ZSWIM9: variants seen among roughly 807,000 people sequenced by gnomAD.
ZSWIM9 encodes uncharacterized protein ZSWIM9.
Under a neutral mutation model 25.0 loss-of-function variants are expected in ZSWIM9, and 11 were observed. The ratio of observed to expected loss-of-function variants is 0.44; its 90% confidence interval spans 0.28 to 0.73. The LOEUF is 0.73. ZSWIM9 is among the 30% of genes least tolerant of loss of function. The pLI is 0.16. For synonymous variants in ZSWIM9, 562 were observed against 582.1 expected (o/e 0.97, Z 0.50); for missense variants, 1,070 against 1,296.5 (o/e 0.83, Z 2.68).
Position 48,182,665 on chromosome 19 carries a change from C to T in ZSWIM9, c.486C>T (p.Ala162=), listed in dbSNP as rs762879691. 3.5e-5 allele frequency: 54 copies of T among 1,535,688 alleles called. 1 individual carries two copies. The South Asian group carries it at 3.9e-4, about 11-fold the overall frequency. The change falls in exon 3 of 4, where the codon GCC becomes GCT. Residue 162 remains alanine, a synonymous_variant. Coordinates refer to ENST00000614654, the MANE Select transcript of ZSWIM9 (RefSeq NM_199341.4). This position sits in a 1 kb window ranked among gnomAD's most constrained non-coding sequence, Gnocchi z 4.6. The part of the protein sequence containing the change: ...NKISKQFVAP[A]DVRRLLSYCK... ...TCTCCAAGCAGTTCGTGGCCCCAGCCGACGTGCGCCGCCTGCTGTCCTACT... is the reference window on the plus strand; with the variant it reads ...TCTCCAAGCAGTTCGTGGCCCCAGCTGACGTGCGCCGCCTGCTGTCCTACT...
chr19:48,173,410 C>T (rs1406836523), intron 2 of ZSWIM9, among the ~76,000 whole-genome samples: 1 of 152,156 alleles, frequency 6.6e-6, no homozygotes, highest in African/African-American at 2.4e-5. Context: ...GAGATTCCCC[C>T]ACCTCAGCCT....
At chr19:48,187,945 TAGATAGA>T (rs1309193178) in intron 3 of ZSWIM9, among the ~76,000 whole-genome samples, 104 of 135,628 alleles carry the variant, frequency 7.7e-4, no homozygotes, top group African/African-American at 2.8e-3. Flanking sequence ...TTTAAATAGA[TAGATAGA>T]TAGATAGATA....
Position 48,195,553 on chromosome 19 carries a change from G to A in ZSWIM9, c.1489G>A (p.Ala497Thr), listed in dbSNP as rs1340827866. The change falls in exon 4 of 4, where the codon GCA becomes ACA. Residue 497 changes from alanine to threonine, a missense_variant. Around this residue, in one of 4 missense-constraint regions of ZSWIM9, gnomAD observed 583 missense variants for 624.7 expected, o/e 0.93. Transcript: ENST00000614654. This position sits in a 1 kb window ranked among gnomAD's most constrained non-coding sequence, Gnocchi z 5.8. ...WRGAQMEKEW[A>T]RALETRDWGG... ...GGGAGCCCAGATGGAGAAGGAGTGG[G>A]CAAGGGCACTGGAAACCAGAGACTG... 13 of 1,417,614 alleles carry A rather than the reference G, an allele frequency of 9.2e-6. No individual in the cohort carries two copies. The highest frequency in any genetic ancestry group is 1.8e-4 in the Middle Eastern group (1 of 5,460). 87.8% of individuals were successfully genotyped at this position (1,417,614 alleles called of 1,614,324 possible).
chr19:48,179,307 G>A (rs920327273), intron 2 of ZSWIM9, among the ~76,000 whole-genome samples: 6 of 152,008 alleles, frequency 3.9e-5, no homozygotes, highest in Admixed American at 2.0e-4. Context: ...GACTATGGGT[G>A]TGTGCCACAA....
At chr19:48,176,312 T>C (rs1344487383) in intron 2 of ZSWIM9, among the ~76,000 whole-genome samples, 2 of 152,226 alleles carry the variant, frequency 1.3e-5, no homozygotes, top group Non-Finnish European at 2.9e-5. Flanking sequence ...TTGTTTACTA[T>C]GCACTAGCCC....
At chr19:48,192,474 A>ATGT (rs1210728296) in intron 3 of ZSWIM9, among the ~76,000 whole-genome samples, 290 of 23,914 alleles carry the variant, frequency 0.012, 34 homozygotes, top group African/African-American at 0.024. Context: ...AAAAAAAAAA[A>ATGT]AAAAAAATAT....
At position 48,182,808 on chromosome 19, in the gene ZSWIM9, G is replaced by C. The variant is rs1048411227; in HGVS notation, c.588+41G>C. On this transcript the variant is annotated intron_variant, in intron 3 of 3. Transcript: ENST00000614654. The surrounding 1 kb of genome is among the most constrained non-coding windows in gnomAD (Gnocchi z 4.6). ...AGGCAGGCCGGGGGAGGGGGCGGGG[G>C]AAAGCCGCGCTGAAGACTCGTGGGT... The C allele has an allele frequency of 6.9e-7, 1 of 1,443,836 alleles. No homozygotes were observed. Among genetic ancestry groups the C allele is most frequent in the Non-Finnish European group, 9.3e-7 (1 of 1,078,048 alleles). 89.4% of individuals were successfully genotyped at this position (1,443,836 alleles called of 1,614,324 possible).
intron 3 of ZSWIM9, among the ~76,000 whole-genome samples, chr19:48,187,125 G>A (rs1371564882): frequency 6.6e-6 from 1 of 150,754 alleles, no homozygotes; most frequent in East Asian, 1.9e-4. Context: ...GTTTTTAGGG[G>A]TGGGGTGGGA....
At chr19:48,192,449 CAAAAAAAAAAAAAAA>C (rs57895777) in intron 3 of ZSWIM9, among the ~76,000 whole-genome samples, 8 of 9,226 alleles carry the variant, frequency 8.7e-4, no homozygotes, top group South Asian at 0.018. Context: ...GACTCTGTCT[CAAAAAAAAAAAAAAA>C]AAAAAAAAAA....
At chr19:48,177,552 T>G (rs1055628271) in intron 2 of ZSWIM9, among the ~76,000 whole-genome samples, 28 of 152,158 alleles carry the variant, frequency 1.8e-4, no homozygotes, top group African/African-American at 6.5e-4. Context: ...AAATGGCGTG[T>G]TGAAGCACCA....
At position 48,195,171 on chromosome 19, in the gene ZSWIM9, C is replaced by G; in HGVS notation, c.1107C>G (p.Gly369=). 6.6e-7 allele frequency: 1 copy of G among 1,521,678 alleles called. No homozygotes were observed. The highest frequency in any genetic ancestry group is 1.4e-5 in the African/African-American group (1 of 71,796). The allele number at this position is 1,521,678 out of a possible 1,614,324, so 94.3% of individuals were successfully genotyped here. The part of the protein sequence containing the change: ...DEALAELHAH[G]PAAFVDYFER... The stretch of plus-strand genomic sequence containing the variant: ...CGCTGGCCGAGCTCCACGCCCACGG[C>G]CCAGCCGCCTTCGTGGACTACTTCG... Residue 369 remains glycine (G), a synonymous_variant, in exon 4 of 4, where the codon GGC becomes GGG. Coordinates refer to ENST00000614654, the MANE Select transcript of ZSWIM9 (RefSeq NM_199341.4). This position sits in a 1 kb window ranked among gnomAD's most constrained non-coding sequence, Gnocchi z 5.8.
chr19:48,192,467 A>G (rs1286172326), intron 3 of ZSWIM9, among the ~76,000 whole-genome samples: 12 of 37,162 alleles, frequency 3.2e-4, no homozygotes, highest in African/African-American at 1.1e-3. Flanking sequence ...AAAAAAAAAA[A>G]AAAAAAAAAA....
chr19:48,175,990 G>C (rs1466844756), intron 2 of ZSWIM9, among the ~76,000 whole-genome samples: 1 of 152,230 alleles, frequency 6.6e-6, no homozygotes, highest in African/African-American at 2.4e-5. Context: ...CAGATCACTT[G>C]AAGTCAGGAG....
chr19:48,187,955 G>C (rs946680806), intron 3 of ZSWIM9, among the ~76,000 whole-genome samples: 5 of 145,024 alleles, frequency 3.4e-5, no homozygotes, highest in Admixed American at 2.7e-4. Context: ...TAGATAGATA[G>C]ATAGATAGAT....
Position 48,197,071 on chromosome 19 carries a change from C to A in ZSWIM9, c.*244C>A. Reference sequence around the variant, plus strand: ...TGGGCAGGGTGGATTCTGAGGGCTTCCCTCTGGAGAGGAAGCATGTGATGA... The same window carrying A: ...TGGGCAGGGTGGATTCTGAGGGCTTACCTCTGGAGAGGAAGCATGTGATGA... On this transcript the variant is annotated 3_prime_UTR_variant, in exon 4 of 4. Coordinates refer to ENST00000614654, the MANE Select transcript of ZSWIM9 (RefSeq NM_199341.4). The A allele has an allele frequency of 1.8e-6, 1 of 551,410 alleles. No individual in the cohort carries two copies. Among genetic ancestry groups the A allele is most frequent in the Non-Finnish European group, 3.2e-6 (1 of 310,746 alleles). The allele number at this position is 551,410 out of a possible 1,614,324, so 34.2% of individuals were successfully genotyped here. A position where few individuals can be genotyped will look rare whatever the true frequency, so the allele number is the denominator to read the frequency against.
intron 2 of ZSWIM9, among the ~76,000 whole-genome samples, chr19:48,180,268 G>A (rs1174593528): frequency 4.0e-5 from 6 of 151,490 alleles, no homozygotes; most frequent in South Asian, 2.1e-4. Context: ...CGCCCACCTC[G>A]GCCTCCCAGA....
chr19:48,175,609 G>A (rs2036884446), intron 2 of ZSWIM9, among the ~76,000 whole-genome samples: 1 of 152,096 alleles, frequency 6.6e-6, no homozygotes, highest in South Asian at 2.1e-4. Context: ...GGTGGAGGAA[G>A]ATCCCTCTGG....
intron 3 of ZSWIM9, among the ~76,000 whole-genome samples, chr19:48,187,985 T>TAGATAGATAGACAGACAGAC (rs1555787428): frequency 6.8e-6 from 1 of 146,272 alleles, no homozygotes; most frequent in African/African-American, 2.6e-5. Context: ...GATAGATAGA[T>TAGATAGATAGACAGACAGAC]AGACAGACAG....
intron 3 of ZSWIM9, chr19:48,190,354 C>G (rs2037079251): frequency 6.5e-6 from 1 of 153,962 alleles, no homozygotes. Context: ...TAATAATGAA[C>G]AGCCCTCAAA....
Sources: allele counts gnomAD v4.1 joint callset (sites outside exome capture counted in the v4.1 genomes callset), GRCh38; gene constraint gnomAD v4.1.1; regional missense constraint gnomAD v4.1.1; non-coding constraint Gnocchi (gnomAD v3.1); transcripts MANE v1.5; gene names NCBI Gene and HGNC (gene_info 2026-07-23, HGNC 2026-07-21).